The following RERE variants were observed in gnomAD, a reference collection of about 807,000 sequenced individuals.
The protein encoded by RERE is arginine-glutamic acid dipeptide repeats protein.
A neutral mutation model predicts 146.1 loss-of-function variants in RERE; 40 were observed. The ratio of observed to expected loss-of-function variants is 0.27; its 90% CI spans 0.21 to 0.36. The LOEUF is 0.36. RERE is among the 10% of genes least tolerant of loss of function. The pLI is 1.00. For missense variants in RERE, 1,933 were observed against 2,138.7 expected, an observed-to-expected ratio of 0.90 and a Z score of 1.90; for synonymous variants, 1,003 against 866.0, an observed-to-expected ratio of 1.16 and a Z score of -2.78.
intron 1 of RERE, among the ~76,000 whole-genome samples, chr1:8,758,113 T>A (rs926755189): frequency 6.6e-6 from 1 of 151,764 alleles, no homozygotes; most frequent in East Asian, 1.9e-4. Flanking sequence ...TTAGAAAGAA[T>A]CTCGCTCTGT....
chr1:8,768,366 A>G (rs1640886261), intron 1 of RERE, among the ~76,000 whole-genome samples: 1 of 152,248 alleles, frequency 6.6e-6, no homozygotes, highest in Admixed American at 6.5e-5. Context: ...TAATGAAAGT[A>G]TCATTCATTC....
In RERE at chr1:8,359,987, C is replaced by T; in HGVS notation, c.3396-1G>A. On this transcript the variant is annotated splice_acceptor_variant, in intron 18 of 22. Coordinates refer to ENST00000400908, the MANE Select transcript of RERE (RefSeq NM_001042681.2). LOFTEE classifies it high-confidence loss of function. The stretch of plus-strand genomic sequence containing the variant: ...GCCCCGGTCCAGGTGTTTGTAGAAC[C>T]TGAGAAAAGCCACAGATCTTGCTGG... 6.2e-7 allele frequency: 1 copy of T among 1,612,174 alleles called. No homozygotes were observed. The highest frequency in any genetic ancestry group is 8.5e-7 in the Non-Finnish European group (1 of 1,179,628).
At chr1:8,665,833 T>A (rs944402522) in intron 1 of RERE, among the ~76,000 whole-genome samples, 3 of 152,164 alleles carry the variant, frequency 2.0e-5, no homozygotes, top group Non-Finnish European at 4.4e-5. Flanking sequence ...CCAAACTGGA[T>A]ACATCTGAGA....
At chr1:8,454,122 GGTA>G (rs771653460) in intron 11 of RERE, among the ~76,000 whole-genome samples, 71 of 152,166 alleles carry the variant, frequency 4.7e-4, no homozygotes, top group Admixed American at 7.9e-4. Context: ...TGGAGTCTAT[GGTA>G]CTCATTAGCC....
chr1:8,518,003 C>T (rs1645443751), intron 7 of RERE, among the ~76,000 whole-genome samples: 1 of 152,188 alleles, frequency 6.6e-6, no homozygotes, highest in Non-Finnish European at 1.5e-5. Context: ...TGCAGGATCC[C>T]AGCCCAACCC....
At chr1:8,564,858 GTGTGTGTGTGTGTA>G (rs969439401) in intron 4 of RERE, among the ~76,000 whole-genome samples, 2,987 of 137,606 alleles carry the variant, frequency 0.022, 126 homozygotes, top group African/African-American at 0.077. Flanking sequence ...GTGTGTGTGT[GTGTGTGTGTGTGTA>G]TATATATATA....
chr1:8,445,695 T>C (rs548354751), intron 11 of RERE, among the ~76,000 whole-genome samples: 2 of 152,006 alleles, frequency 1.3e-5, no homozygotes, highest in Non-Finnish European at 1.5e-5. Context: ...TTTTTTTTTT[T>C]ATGTTCGGGG....
At chr1:8,616,686 T>TTA (rs1483577531) in intron 3 of RERE, among the ~76,000 whole-genome samples, 7 of 152,226 alleles carry the variant, frequency 4.6e-5, no homozygotes, top group Non-Finnish European at 8.8e-5. Context: ...TTTCAATAGT[T>TTA]TCTTAGAGTC....
intron 4 of RERE, among the ~76,000 whole-genome samples, chr1:8,611,649 T>A (rs1646794889): frequency 6.6e-6 from 1 of 152,144 alleles, no homozygotes; most frequent in East Asian, 1.9e-4. Flanking sequence ...AAATGCTAAC[T>A]AACTAATATC....
At chr1:8,538,822 T>C (rs1645760410) in intron 7 of RERE, among the ~76,000 whole-genome samples, 1 of 152,166 alleles carries the variant, frequency 6.6e-6, no homozygotes, top group African/African-American at 2.4e-5. Flanking sequence ...AGGATGCAGA[T>C]CCTGTAAGTG....
intron 1 of RERE, among the ~76,000 whole-genome samples, chr1:8,667,110 GGAAACAACT>G: frequency 6.6e-6 from 1 of 152,134 alleles, no homozygotes; most frequent in African/African-American, 2.4e-5. Context: ...TGAGCTTTGG[GGAAACAACT>G]GAGAGAACTA....
intron 4 of RERE, among the ~76,000 whole-genome samples, chr1:8,559,866 C>T (rs751992658): frequency 3.3e-5 from 5 of 152,104 alleles, no homozygotes; most frequent in Non-Finnish European, 5.9e-5. Context: ...TGACCAAATA[C>T]ACAGGCAGCA....
intron 11 of RERE, among the ~76,000 whole-genome samples, chr1:8,446,838 TA>T (rs1264516943): frequency 6.7e-6 from 1 of 148,946 alleles, no homozygotes; most frequent in Non-Finnish European, 1.5e-5. Context: ...CACACCGGGC[TA>T]ATTTTTTTTT....
chr1:8,669,836 C>T (rs1361076078), intron 1 of RERE, among the ~76,000 whole-genome samples: 1 of 152,154 alleles, frequency 6.6e-6, no homozygotes, highest in African/African-American at 2.4e-5. Context: ...CACATAAGCT[C>T]TCAGCGTGTG....
At chr1:8,387,944 T>C (rs1642740712) in intron 12 of RERE, among the ~76,000 whole-genome samples, 1 of 152,222 alleles carries the variant, frequency 6.6e-6, no homozygotes, top group Admixed American at 6.5e-5. Context: ...TGCCAGTTGA[T>C]GTGTGCAAGA....
intron 1 of RERE, among the ~76,000 whole-genome samples, chr1:8,666,894 T>A (rs747072831): frequency 1.1e-4 from 16 of 152,250 alleles, no homozygotes; most frequent in Non-Finnish European, 2.1e-4. Flanking sequence ...CTGAGGTTAA[T>A]GAGTAAACTC....
intron 1 of RERE, among the ~76,000 whole-genome samples, chr1:8,771,463 G>T (rs966686414): frequency 2.0e-5 from 3 of 150,982 alleles, no homozygotes; most frequent in Non-Finnish European, 4.4e-5. Context: ...GGCAGAGGTT[G>T]CAGTGAGCTG....
chr1:8,451,633 T>C (rs1338064803), intron 11 of RERE, among the ~76,000 whole-genome samples: 4 of 152,090 alleles, frequency 2.6e-5, no homozygotes, highest in South Asian at 2.1e-4. Context: ...AGCGTGCTAA[T>C]AGTGTGAAGT....
At chr1:8,418,000 T>C (rs1284427713) in intron 12 of RERE, among the ~76,000 whole-genome samples, 2 of 152,172 alleles carry the variant, frequency 1.3e-5, no homozygotes, top group South Asian at 2.1e-4. Context: ...TCCAATTAGC[T>C]TTCCAGGAGC....
Sources: gnomAD v4.1 joint callset for allele counts (sites outside exome capture counted in the v4.1 genomes callset) on GRCh38, gnomAD v4.1.1 for gene constraint, MANE v1.5 for transcripts, NCBI Gene and HGNC (gene_info 2026-07-23, HGNC 2026-07-21) for gene names.